CNTNAP2: variants seen among roughly 807,000 people sequenced by gnomAD.
The protein encoded by CNTNAP2 is contactin-associated protein-like 2.
A neutral mutation model predicts 155.2 loss-of-function variants in CNTNAP2; 98 were observed. The ratio of observed to expected loss-of-function variants is 0.63; its 90% CI spans 0.54 to 0.75. The LOEUF is 0.75. Ranked by LOEUF, CNTNAP2 falls within the 30% of genes least tolerant of loss-of-function variation. The pLI, the probability that CNTNAP2 is intolerant of heterozygous loss-of-function variation, is 0.00. For synonymous variants in CNTNAP2, 651 were observed against 631.2 expected, an observed-to-expected ratio of 1.03 and a Z score of -0.47; for missense variants, 1,727 against 1,688.1, an observed-to-expected ratio of 1.02 and a Z score of -0.40.
intron 11 of CNTNAP2, among the ~76,000 whole-genome samples, chr7:147,526,338 A>T (rs1333026093): frequency 6.6e-6 from 1 of 152,172 alleles, no homozygotes; most frequent in African/African-American, 2.4e-5. Flanking sequence ...CTTGTGGACT[A>T]AGGAGGTAGA....
At chr7:146,401,574 T>A (rs558091868) in intron 1 of CNTNAP2, among the ~76,000 whole-genome samples, 1 of 152,290 alleles carries the variant, frequency 6.6e-6, no homozygotes, top group South Asian at 2.1e-4. Flanking sequence ...TGCTTATTTT[T>A]CACATATATA....
intron 3 of CNTNAP2, among the ~76,000 whole-genome samples, chr7:146,902,152 G>A (rs1796017236): frequency 6.6e-6 from 1 of 151,906 alleles, no homozygotes; most frequent in African/African-American, 2.4e-5. Context: ...CCAAAGTGCT[G>A]GGATTACAGG....
At chr7:146,942,629 C>G (rs1232941376) in intron 3 of CNTNAP2, among the ~76,000 whole-genome samples, 2 of 152,080 alleles carry the variant, frequency 1.3e-5, no homozygotes, top group African/African-American at 4.8e-5. Flanking sequence ...GAATAACTTA[C>G]TGAAAAGACA....
At chr7:146,497,957 T>G (rs73464742) in intron 1 of CNTNAP2, among the ~76,000 whole-genome samples, 1 of 151,198 alleles carries the variant, frequency 6.6e-6, no homozygotes, top group East Asian at 1.9e-4. Context: ...TAAACATATA[T>G]ATAATTGATT....
intron 1 of CNTNAP2, among the ~76,000 whole-genome samples, chr7:146,122,157 A>G (rs1748372136): frequency 6.6e-6 from 1 of 152,166 alleles, no homozygotes; most frequent in Non-Finnish European, 1.5e-5. Flanking sequence ...TGACTATGGG[A>G]AAAGGACCTA....
intron 13 of CNTNAP2, among the ~76,000 whole-genome samples, chr7:147,815,454 G>A (rs1200850907): frequency 6.6e-6 from 1 of 151,712 alleles, no homozygotes; most frequent in Non-Finnish European, 1.5e-5. Flanking sequence ...CTTGCATGTG[G>A]GCCCCGACAT....
chr7:148,068,218 T>C (rs1459957148), intron 15 of CNTNAP2, among the ~76,000 whole-genome samples: 1 of 152,146 alleles, frequency 6.6e-6, no homozygotes, highest in Non-Finnish European at 1.5e-5. Flanking sequence ...TGGTCAAAAT[T>C]ATTACAAAGT....
chr7:147,339,159 CTA>C (rs1379488897), intron 9 of CNTNAP2, among the ~76,000 whole-genome samples: 2 of 151,334 alleles, frequency 1.3e-5, no homozygotes, highest in African/African-American at 2.4e-5. Context: ...TAAACAATAA[CTA>C]TTGCTATTGC....
At chr7:147,609,578 T>C (rs532828484) in intron 12 of CNTNAP2, among the ~76,000 whole-genome samples, 11 of 151,900 alleles carry the variant, frequency 7.2e-5, no homozygotes, top group African/African-American at 2.4e-4. Flanking sequence ...AGACAGACAA[T>C]ACAAAATAAA....
chr7:146,674,320 G>A (rs1494457), intron 1 of CNTNAP2, among the ~76,000 whole-genome samples: 123,054 of 152,100 alleles, frequency 0.81, 50,388 homozygotes, highest in South Asian at 0.91. Context: ...TATAAGTAGT[G>A]TCTTACGTAC....
At chr7:147,934,813 G>A (rs1800575462) in intron 14 of CNTNAP2, among the ~76,000 whole-genome samples, 1 of 152,114 alleles carries the variant, frequency 6.6e-6, no homozygotes, top group South Asian at 2.1e-4. Context: ...TGAAAAACTT[G>A]TTTTACATCC....
At chr7:146,875,934 CAAAAAA>C (rs56304234) in intron 3 of CNTNAP2, among the ~76,000 whole-genome samples, 3,735 of 55,142 alleles carry the variant, frequency 0.068, 236 homozygotes, top group African/African-American at 0.2. Flanking sequence ...ACATACACAG[CAAAAAA>C]AAAAAAAAAA....
chr7:147,314,628 C>G (rs1309216882), intron 9 of CNTNAP2, among the ~76,000 whole-genome samples: 1 of 46,402 alleles, frequency 2.2e-5, no homozygotes, highest in African/African-American at 1.3e-4. Context: ...AAGCTACATG[C>G]TTCAAAAAGT....
intron 13 of CNTNAP2, among the ~76,000 whole-genome samples, chr7:147,656,941 A>T (rs77574850): frequency 0.12 from 18,279 of 152,186 alleles, 1,418 homozygotes; most frequent in Middle Eastern, 0.24. Flanking sequence ...CTGTGTGGGA[A>T]CATAACATGA....
chr7:147,462,557 C>A (rs1040349255), intron 10 of CNTNAP2, among the ~76,000 whole-genome samples: 1 of 152,110 alleles, frequency 6.6e-6, no homozygotes, highest in African/African-American at 2.4e-5. Flanking sequence ...ACATTTAATT[C>A]CATATAAAAA....
At chr7:147,463,047 A>C (rs1053407102) in intron 10 of CNTNAP2, among the ~76,000 whole-genome samples, 1 of 152,204 alleles carries the variant, frequency 6.6e-6, no homozygotes, top group East Asian at 1.9e-4. Context: ...ATTATGATGA[A>C]AGAGTAAGCG....
At chr7:147,341,966 T>G (rs2116861482) in intron 9 of CNTNAP2, among the ~76,000 whole-genome samples, 1 of 152,316 alleles carries the variant, frequency 6.6e-6, no homozygotes, top group South Asian at 2.1e-4. Flanking sequence ...CATTTATTTC[T>G]CACAGTTGTG....
intron 8 of CNTNAP2, among the ~76,000 whole-genome samples, chr7:147,200,052 T>A (rs933050617): frequency 6.6e-5 from 10 of 151,812 alleles, no homozygotes; most frequent in African/African-American, 2.4e-4. Flanking sequence ...CCTCAGCCAG[T>A]TTCCCCCTCC....
In CNTNAP2 at chr7:146,364,768, A is replaced by G. The variant is rs192682556; in HGVS notation, c.97+247795A>G. Among the ~76,000 whole-genome samples the G allele has an allele frequency of 9.8e-5, 15 of 152,356 alleles. No individual in the cohort carries two copies. In the East Asian group the frequency reaches 2.9e-3, roughly 29 times the overall value. On this transcript the variant is annotated intron_variant, in intron 1 of 23. Coordinates refer to ENST00000361727, the MANE Select transcript of CNTNAP2 (RefSeq NM_014141.6). ...GCCTGTTTATGTATGGAACAATACA[A>G]TGAAGGACAGTGTTCTGCTTTTTGG...
Sources: allele counts gnomAD v4.1 joint callset (sites outside exome capture counted in the v4.1 genomes callset), GRCh38; gene constraint gnomAD v4.1.1; transcripts MANE v1.5; gene names NCBI Gene and HGNC (gene_info 2026-07-23, HGNC 2026-07-21).